CTNNA2: variants seen among roughly 807,000 people sequenced by gnomAD.
CTNNA2 encodes the protein catenin alpha-2.
In CTNNA2, 42 loss-of-function variants were observed where a neutral mutation model predicts 101.0. That is an observed-to-expected ratio of 0.42 (90% CI 0.32 to 0.54). CTNNA2 has a LOEUF of 0.54. Ranked by LOEUF, CTNNA2 falls within the 20% of genes least tolerant of loss-of-function variation. The pLI is 0.14. For missense variants in CTNNA2, 871 were observed against 1,223.1 expected (o/e 0.71, Z 4.29); for synonymous variants, 450 against 456.4 (o/e 0.99, Z 0.18).
At chr2:79,917,073 T>G (rs1478443160) in intron 7 of CTNNA2, among the ~76,000 whole-genome samples, 1 of 92,994 alleles carries the variant, frequency 1.1e-5, no homozygotes, top group Non-Finnish European at 2.1e-5. Flanking sequence ...ATTTATTTAT[T>G]TATTTATTTA....
At chr2:79,564,545 T>C (rs1294785483) in intron 1 of CTNNA2, among the ~76,000 whole-genome samples, 3 of 152,144 alleles carry the variant, frequency 2.0e-5, no homozygotes, top group Non-Finnish European at 2.9e-5. Flanking sequence ...TCTTAGCTTA[T>C]TTTAGAAATC....
At chr2:80,618,945 G>T (rs1009315590) in intron 17 of CTNNA2, 140 bp from the exon 18 acceptor site, 2 of 486,158 alleles carry the variant, frequency 4.1e-6, no homozygotes, top group Non-Finnish European at 7.0e-6. Context: ...CTTTCAGCAC[G>T]TAATTCCTTC....
chr2:79,188,323 C>T (rs1354537459), intron 1 of CTNNA2, among the ~76,000 whole-genome samples: 7 of 152,172 alleles, frequency 4.6e-5, no homozygotes, highest in South Asian at 2.1e-4. Context: ...CTAAATTGGT[C>T]GTGCTGAGAT....
chr2:80,434,379 A>G (rs1681827812), intron 9 of CTNNA2, among the ~76,000 whole-genome samples: 1 of 151,884 alleles, frequency 6.6e-6, no homozygotes, highest in East Asian at 1.9e-4. Context: ...TGTACTTTTA[A>G]TTGCTTTTCA....
intron 1 of CTNNA2, among the ~76,000 whole-genome samples, chr2:79,194,231 T>G (rs1298064720): frequency 6.6e-6 from 1 of 152,178 alleles, no homozygotes; most frequent in Non-Finnish European, 1.5e-5. Flanking sequence ...CTGCTGTGAA[T>G]AAAACTGTTG....
At chr2:79,260,455 C>T (rs1388388394) in intron 2 of CTNNA2, among the ~76,000 whole-genome samples, 4 of 152,116 alleles carry the variant, frequency 2.6e-5, no homozygotes, top group African/African-American at 4.8e-5. Context: ...GTCTACCTTA[C>T]GTTTTATTTT....
At chr2:80,122,999 C>T (rs1701927012) in intron 7 of CTNNA2, among the ~76,000 whole-genome samples, 4 of 152,194 alleles carry the variant, frequency 2.6e-5, no homozygotes. Context: ...ATGGAACCGT[C>T]TCACTTCTGC....
At chr2:79,840,594 A>G (rs370329212) in intron 3 of CTNNA2, among the ~76,000 whole-genome samples, 1 of 152,076 alleles carries the variant, frequency 6.6e-6, no homozygotes, top group Non-Finnish European at 1.5e-5. Context: ...TGAGCCTATT[A>G]TAAGAGATAT....
chr2:79,906,180 A>G (rs534232251), intron 6 of CTNNA2, among the ~76,000 whole-genome samples: 6 of 152,056 alleles, frequency 3.9e-5, no homozygotes, highest in Non-Finnish European at 5.9e-5. Flanking sequence ...TACATACTGT[A>G]CCGACCCATT....
intron 14 of CTNNA2, among the ~76,000 whole-genome samples, chr2:80,583,891 G>C (rs920475880): frequency 6.6e-6 from 1 of 151,938 alleles, no homozygotes; most frequent in Non-Finnish European, 1.5e-5. Flanking sequence ...TTATAAACAG[G>C]GTCCAAGATA....
chr2:79,825,882 C>G (rs951472631), intron 3 of CTNNA2, among the ~76,000 whole-genome samples: 2 of 152,102 alleles, frequency 1.3e-5, no homozygotes, highest in African/African-American at 2.4e-5. Flanking sequence ...GAGGATTGCT[C>G]TATCATAATG....
Position 79,195,954 on chromosome 2 carries a change from T to C in CTNNA2, c.-523-2005T>C. On this transcript the variant is annotated intron_variant, in intron 1 of 21. Transcript: ENST00000466387. Reference sequence around the variant, plus strand: ...CTCAGTTTTTTGTTTGTTTGTTTTATGAGATGGAGTCTCGATCTGTCACCC... The same window carrying C: ...CTCAGTTTTTTGTTTGTTTGTTTTACGAGATGGAGTCTCGATCTGTCACCC... 8 of 427,644 alleles carry C rather than the reference T, an allele frequency of 1.9e-5. 1 individual carries two copies. The highest frequency in any genetic ancestry group is 1.2e-4 in the South Asian group (7 of 58,366). The allele number at this position is 427,644 out of a possible 1,614,324, so 26.5% of individuals were successfully genotyped here. A position where few individuals can be genotyped will look rare whatever the true frequency, so the allele number is the denominator to read the frequency against.
chr2:80,574,143 G>A lies in CTNNA2; in HGVS notation c.1742-20G>A, dbSNP rs1274641977. The A allele has an allele frequency of 6.2e-7, 1 of 1,604,808 alleles. No homozygotes were observed. ...TGAGAGAGAAATTGCCTAATCCTCTGCTTTTTATTTTTAACCCAGTGATGC... is the reference window on the plus strand; with the variant it reads ...TGAGAGAGAAATTGCCTAATCCTCTACTTTTTATTTTTAACCCAGTGATGC... On this transcript the variant is annotated intron_variant, in intron 12 of 18. Transcript: ENST00000402739.
At chr2:80,626,475 T>C (rs566694842) in intron 18 of CTNNA2, among the ~76,000 whole-genome samples, 12 of 152,250 alleles carry the variant, frequency 7.9e-5, no homozygotes, top group African/African-American at 2.9e-4. Flanking sequence ...TCTGCCCTTC[T>C]TCAGTTTCCA....
At chr2:79,903,166 T>C (rs2104289861) in intron 6 of CTNNA2, among the ~76,000 whole-genome samples, 1 of 152,330 alleles carries the variant, frequency 6.6e-6, no homozygotes, top group Non-Finnish European at 1.5e-5. Context: ...CTAGGTTTTA[T>C]CTTTGTCTCC....
upstream of CTNNA2, among the ~76,000 whole-genome samples, chr2:79,509,688 T>A (rs1671494145): frequency 6.6e-6 from 1 of 152,184 alleles, no homozygotes; most frequent in Non-Finnish European, 1.5e-5. Flanking sequence ...CATGTCGTTA[T>A]ACTTCTTTCA....
At chr2:79,312,291 G>C (rs539895240) in intron 2 of CTNNA2, among the ~76,000 whole-genome samples, 59 of 152,302 alleles carry the variant, frequency 3.9e-4, no homozygotes, top group African/African-American at 1.3e-3. Context: ...TAGTTGGCCA[G>C]TCATTCTTCT....
At chr2:79,395,245 TTTA>T (rs1678216604) in intron 4 of CTNNA2, among the ~76,000 whole-genome samples, 1 of 152,136 alleles carries the variant, frequency 6.6e-6, no homozygotes, top group Non-Finnish European at 1.5e-5. Context: ...TATTTTCTTT[TTTA>T]TTATTATTAT....
chr2:80,343,795 G>T (rs1408660884), intron 7 of CTNNA2, among the ~76,000 whole-genome samples: 3 of 152,094 alleles, frequency 2.0e-5, no homozygotes, highest in Admixed American at 2.0e-4. Context: ...GTCAAAAATA[G>T]AAAGAAAAGA....
Sources: gnomAD v4.1 joint callset for allele counts (sites outside exome capture counted in the v4.1 genomes callset) on GRCh38, gnomAD v4.1.1 for gene constraint, MANE v1.5 for transcripts, NCBI Gene and HGNC (gene_info 2026-07-23, HGNC 2026-07-21) for gene names.